Variants in TEX15 observed in about 807,000 individuals in gnomAD.
TEX15 encodes testis-expressed protein 15.
A neutral mutation model predicts 237.3 loss-of-function variants in TEX15; 171 were observed. The ratio of observed to expected loss-of-function variants is 0.72; its 90% CI spans 0.64 to 0.82. TEX15 has a LOEUF of 0.82. Ranked by LOEUF, TEX15 falls within the 40% of genes least tolerant of loss-of-function variation. The probability of loss-of-function intolerance (pLI) is 0.00; values close to 1 mark genes in which losing one functional copy is unlikely to be tolerated. For missense variants in TEX15, 3,750 were observed against 3,646.5 expected (o/e 1.03, Z -0.73); for synonymous variants, 1,338 against 1,269.8 (o/e 1.05, Z -1.14).
intron 3 of TEX15, among the ~76,000 whole-genome samples, chr8:30,876,693 T>C (rs574018273): frequency 6.6e-6 from 1 of 152,276 alleles, no homozygotes; most frequent in South Asian, 2.1e-4. Context: ...TTCTTGACCT[T>C]AGGAACACTA....
chr8:30,849,376 T>C (rs968729233), intron 7 of TEX15, 60 bp from the exon 8 acceptor site: 2 of 909,908 alleles, frequency 2.2e-6, no homozygotes, highest in Admixed American at 5.7e-5. Context: ...CAACTATTAA[T>C]ACAGGTACAT....
At chr8:30,878,371 G>T (rs1808444527) in intron 3 of TEX15, among the ~76,000 whole-genome samples, 1 of 151,844 alleles carries the variant, frequency 6.6e-6, no homozygotes, top group Admixed American at 6.6e-5. Flanking sequence ...TCATATGGCA[G>T]TTGCATGCTT....
rs1336009391 is a variant in TEX15 at position 30,845,627 on chromosome 8, G to A, written c.4540C>T (p.His1514Tyr). 6.2e-7 allele frequency: 1 copy of A among 1,613,554 alleles called. No homozygotes were observed. The highest frequency in any genetic ancestry group is 8.5e-7 in the Non-Finnish European group (1 of 1,179,606). The change falls in exon 8 of 11, where the codon CAT (histidine) becomes TAT (tyrosine). Residue 1514 changes from histidine to tyrosine, a missense_variant. By Grantham distance (83) the His-to-Tyr change is moderately conservative. Transcript: ENST00000643185. ...GATACAGGCAACTGTGATTCAGGAT[G>A]TTCTTGATTACAAAATTCTCCCATG... Reference protein sequence around the residue: ...SHMGEFCNQEHPESQLPVSST... With the variant: ...SHMGEFCNQEYPESQLPVSST...
At position 30,846,129 on chromosome 8, in the gene TEX15, T is replaced by G; in HGVS notation, c.4038A>C (p.Arg1346=). Residue 1346 remains arginine, a synonymous_variant, in exon 8 of 11, where the codon CGA becomes CGC. Transcript: ENST00000643185. Reference sequence around the variant, plus strand: ...TTTCTGACTGTGAAAATGTTTTAATTCGTCCTTGGGATAATGAAGAGAAAC... The same window carrying G: ...TTTCTGACTGTGAAAATGTTTTAATGCGTCCTTGGGATAATGAAGAGAAAC... ...SECFSSLSQG[R]IKTFSQSEKH... 6.2e-7 allele frequency: 1 copy of G among 1,613,586 alleles called. No individual in the cohort carries two copies. The highest frequency in any genetic ancestry group is 1.1e-5 in the South Asian group (1 of 91,030).
intron 7 of TEX15, among the ~76,000 whole-genome samples, chr8:30,850,251 G>C (rs1807748320): frequency 6.6e-6 from 1 of 151,898 alleles, no homozygotes; most frequent in Non-Finnish European, 1.5e-5. Flanking sequence ...GAAAATAAAA[G>C]CAAACTTTTA....
chr8:30,901,553 C>A (rs1809006681), intron 1 of TEX15, among the ~76,000 whole-genome samples: 1 of 152,104 alleles, frequency 6.6e-6, no homozygotes, highest in Non-Finnish European at 1.5e-5. Flanking sequence ...TGCCCATTTC[C>A]CATTCTTCAG....
In TEX15 at chr8:30,843,728, C is replaced by T; in HGVS notation, c.6439G>A (p.Asp2147Asn). 1.2e-6 allele frequency: 2 copies of T among 1,612,600 alleles called. No homozygotes were observed. The highest frequency in any genetic ancestry group is 1.1e-5 in the South Asian group (1 of 90,820). Residue 2147 changes from aspartate to asparagine, a missense_variant, in exon 8 of 11, where the codon GAT (aspartate) becomes AAT (asparagine). Physicochemically the swap from Asp to Asn is conservative, Grantham distance 23. Transcript: ENST00000643185. ...TCTTCAAGCAATTCAACTAATTGAT[C>T]ATGGTAAGTCTGTAACTCACAGAAT... is the stretch of plus-strand genomic sequence containing the variant. ...NAFCELQTYH[D>N]QLVELLEETK...
intron 5 of TEX15, among the ~76,000 whole-genome samples, chr8:30,861,707 C>G (rs1308413190): frequency 6.6e-6 from 1 of 152,032 alleles, no homozygotes; most frequent in Non-Finnish European, 1.5e-5. Flanking sequence ...TTCTATAAAT[C>G]TAACATTATT....
Position 30,846,753 on chromosome 8 carries a change from G to A in TEX15, c.3414C>T (p.Ser1138=). The A allele has an allele frequency of 3.7e-6, 6 of 1,613,784 alleles. No homozygotes were observed. The highest frequency in any genetic ancestry group is 4.2e-6 in the Non-Finnish European group (5 of 1,179,774). ...GTTCTGTTTCATTGTTTTGTGTAGA[G>A]GAATAAAAATAGTTACTTTCCTTAG... ...HYSKESNYFY[S]STQNNETELT... The change falls in exon 8 of 11, where the codon TCC becomes TCT. Residue 1138 remains serine (S), a synonymous_variant. Coordinates refer to ENST00000643185, the MANE Select transcript of TEX15 (RefSeq NM_001350162.2).
Position 30,858,653 on chromosome 8 carries a change from A to G in TEX15, c.850+15T>C, listed in dbSNP as rs1430879217. 6.6e-7 allele frequency: 1 copy of G among 1,520,166 alleles called. No homozygotes were observed. The highest frequency in any genetic ancestry group is 8.8e-7 in the Non-Finnish European group (1 of 1,138,784). 94.2% of individuals were successfully genotyped at this position (1,520,166 alleles called of 1,614,324 possible). ...GCACAAATATTAATCAAGTACAATC[A>G]TATGTGTATCTTACCAGCTCTCTTA... On this transcript the variant is annotated intron_variant, in intron 7 of 10. Coordinates refer to ENST00000643185, the MANE Select transcript of TEX15 (RefSeq NM_001350162.2).
chr8:30,910,223 G>C (rs1432871156), intron 1 of TEX15, among the ~76,000 whole-genome samples: 1 of 151,878 alleles, frequency 6.6e-6, no homozygotes, highest in African/African-American at 2.4e-5. Context: ...GGTGTGCTGG[G>C]AGAAAAAGTG....
chr8:30,903,891 T>C (rs1809049123), intron 1 of TEX15, among the ~76,000 whole-genome samples: 1 of 152,196 alleles, frequency 6.6e-6, no homozygotes, highest in African/African-American at 2.4e-5. Context: ...ACTGTGCTAA[T>C]AGGTTGTGAA....
At chr8:30,889,970 T>TATATATATATATAC (rs1808764750) in intron 2 of TEX15, among the ~76,000 whole-genome samples, 2 of 141,894 alleles carry the variant, frequency 1.4e-5, no homozygotes, top group African/African-American at 5.4e-5. Context: ...TATATATATG[T>TATATATATATATAC]ATAAGTAAAA....
rs781174973 is a variant in TEX15, at chr8:30,849,128, G to C, written c.1039C>G (p.Gln347Glu). Reference sequence around the variant, plus strand: ...TCAGGTATAGAAATGTTTCCATTTTGTACATTTCCATAGGAGTTAGAAATA... The same window carrying C: ...TCAGGTATAGAAATGTTTCCATTTTCTACATTTCCATAGGAGTTAGAAATA... ...SNISNSYGNV[Q>E]NGNISIPETY... Residue 347 changes from glutamine (Q) to glutamate (E), a missense_variant, in exon 8 of 11, where the codon CAA becomes GAA. Coordinates refer to ENST00000643185, the MANE Select transcript of TEX15 (RefSeq NM_001350162.2). 4.4e-6 allele frequency: 7 copies of C among 1,594,042 alleles called. No homozygotes were observed. Among genetic ancestry groups the C allele is most frequent in the Non-Finnish European group, 6.0e-6 (7 of 1,170,418 alleles).
chr8:30,837,051 G>T lies in TEX15; in HGVS notation c.9233C>A (p.Thr3078Asn), dbSNP rs1308280473. The T allele has an allele frequency of 5.0e-6, 8 of 1,614,124 alleles. No individual in the cohort carries two copies. Among genetic ancestry groups the T allele is most frequent in the Non-Finnish European group, 5.9e-6 (7 of 1,180,020 alleles). ...EVQPSPSGLLTTVASTAQGTH... is the reference protein window; with the variant it reads ...EVQPSPSGLLNTVASTAQGTH... The stretch of plus-strand genomic sequence containing the variant: ...GCCCTGGGCAGTACTTGCAACTGTG[G>T]TCAACAGCCCAGAAGGAGATGGCTG... The change falls in exon 10 of 11, where the codon ACC (threonine) becomes AAC (asparagine). Residue 3078 changes from threonine (T) to asparagine (N), a missense_variant. Thr to Asn is a moderately conservative substitution (Grantham distance 65). Transcript: ENST00000643185.
At position 30,858,839 on chromosome 8, in the gene TEX15, T is replaced by C; in HGVS notation, c.688-9A>G. The C allele has an allele frequency of 1.3e-6, 2 of 1,518,206 alleles. No homozygotes were observed. Among genetic ancestry groups the C allele is most frequent in the East Asian group, 4.9e-5 (2 of 40,404 alleles). 94.0% of individuals were successfully genotyped at this position (1,518,206 alleles called of 1,614,324 possible). On this transcript the variant is annotated splice_polypyrimidine_tract_variant and intron_variant, in intron 6 of 10. Transcript: ENST00000643185. Reference sequence around the variant, plus strand: ...TATTCATAGAAGTACACCTGAAAGATGAAAACAGGTTCATGCTGATTAATT... The same window carrying C: ...TATTCATAGAAGTACACCTGAAAGACGAAAACAGGTTCATGCTGATTAATT...
Position 30,859,941 on chromosome 8 carries a change from A to G in TEX15, c.657T>C (p.Asp219=), listed in dbSNP as rs1350584232. Residue 219 remains aspartate, a synonymous_variant, in exon 6 of 11, where the codon GAT becomes GAC. Transcript: ENST00000643185. ...AACTGTAGGCTTGCAGTTCAATGGT[A>G]TCTTTCAAAGAAGGTGCATTTCTTG... The part of the protein sequence containing the change: ...HMSRNAPSLK[D]TIELQAYSSA... 2 of 1,506,464 alleles carry G rather than the reference A, an allele frequency of 1.3e-6. No individual in the cohort carries two copies. Among genetic ancestry groups the G allele is most frequent in the Non-Finnish European group, 1.8e-6 (2 of 1,137,130 alleles). 93.3% of individuals were successfully genotyped at this position (1,506,464 alleles called of 1,614,324 possible). A position where few individuals can be genotyped will look rare whatever the true frequency, so the allele number is the denominator to read the frequency against.
At chr8:30,856,782 T>G (rs944386551) in intron 7 of TEX15, among the ~76,000 whole-genome samples, 1 of 152,018 alleles carries the variant, frequency 6.6e-6, no homozygotes, top group Non-Finnish European at 1.5e-5. Context: ...TGAAATACGT[T>G]AGAGATAACT....
At chr8:30,895,661 C>T (rs887694216) in intron 2 of TEX15, among the ~76,000 whole-genome samples, 4 of 137,006 alleles carry the variant, frequency 2.9e-5, no homozygotes, top group African/African-American at 1.2e-4. Flanking sequence ...CATGTCAACA[C>T]CTTTTAAACA....
Sources: allele counts gnomAD v4.1 joint callset (sites outside exome capture counted in the v4.1 genomes callset), GRCh38; gene constraint gnomAD v4.1.1; transcripts MANE v1.5; gene names NCBI Gene and HGNC (gene_info 2026-07-23, HGNC 2026-07-21).